Variants in CTNNA3 observed in about 807,000 individuals in gnomAD.
CTNNA3 encodes the protein catenin alpha 3.
In CTNNA3, 76 loss-of-function variants were observed where a neutral mutation model predicts 95.7. The observed-to-expected ratio is 0.79, with a 90% CI of 0.66 to 0.96. CTNNA3 has a LOEUF of 0.96. Among genes scored for constraint, CTNNA3 ranks in the 40% least tolerant of loss-of-function variants. The probability of loss-of-function intolerance (pLI) is 0.00; values close to 1 mark genes in which losing one functional copy is unlikely to be tolerated. For missense variants in CTNNA3, 1,191 were observed against 1,089.8 expected (o/e 1.09, Z -1.31); for synonymous variants, 431 against 374.4 (o/e 1.15, Z -1.74).
At chr10:67,205,825 C>A (rs1194011521) in intron 6 of CTNNA3, among the ~76,000 whole-genome samples, 2 of 152,120 alleles carry the variant, frequency 1.3e-5, no homozygotes, top group Non-Finnish European at 2.9e-5. Context: ...GACACGTTAC[C>A]ATTTACTTTA....
chr10:66,016,429 A>C (rs940085480), intron 15 of CTNNA3, among the ~76,000 whole-genome samples: 2 of 152,230 alleles, frequency 1.3e-5, no homozygotes, highest in Non-Finnish European at 2.9e-5. Context: ...TAGTGAAAGA[A>C]GCAGTTGGCA....
intron 4 of CTNNA3, among the ~76,000 whole-genome samples, chr10:67,535,465 T>TA (rs11383483): frequency 0.14 from 21,940 of 151,624 alleles, 3,589 homozygotes; most frequent in African/African-American, 0.41. Flanking sequence ...TTTACATAAT[T>TA]AAAAAAAAGA....
At chr10:66,124,061 T>G (rs371309401) in intron 13 of CTNNA3, among the ~76,000 whole-genome samples, 6 of 152,296 alleles carry the variant, frequency 3.9e-5, no homozygotes, top group Admixed American at 2.0e-4. Flanking sequence ...GCATTTCTCC[T>G]CAGAAAATGG....
rs531520277 is a variant in CTNNA3 at position 66,937,890 on chromosome 10, G to GT, written c.1048-162367dup. On this transcript the variant is annotated intron_variant, in intron 7 of 17. Coordinates refer to ENST00000433211, the MANE Select transcript of CTNNA3 (RefSeq NM_013266.4). ...TTAATCTTTTCCTTCCCTCTTTTCT[G>GT]TTTTTTTTCCCCCTCTCCCAGAGAC... 1.4e-4 allele frequency among the ~76,000 whole-genome samples: 21 copies of GT among 151,560 alleles called. No homozygotes were observed. In the South Asian group the frequency reaches 1.9e-3, roughly 14 times the overall value.
Position 67,208,463 on chromosome 10 carries a change from A to T in CTNNA3, c.843+11144T>A, listed in dbSNP as rs920005491. Among the ~76,000 whole-genome samples the T allele has an allele frequency of 3.3e-5, 5 of 152,140 alleles. No homozygotes were observed. The East Asian group carries it at 7.7e-4, about 23-fold the overall frequency. On this transcript the variant is annotated intron_variant, in intron 6 of 17. Coordinates refer to ENST00000433211, the MANE Select transcript of CTNNA3 (RefSeq NM_013266.4). Reference sequence around the variant, plus strand: ...GGTATTGCAAAAATAAAAACTAGACAGTTGAAGACTTAAAGAGCGGAATGA... The same window carrying T: ...GGTATTGCAAAAATAAAAACTAGACTGTTGAAGACTTAAAGAGCGGAATGA...
At chr10:67,329,659 G>A (rs186942478) in intron 5 of CTNNA3, among the ~76,000 whole-genome samples, 4 of 152,278 alleles carry the variant, frequency 2.6e-5, no homozygotes, top group Admixed American at 1.3e-4. Flanking sequence ...AATGGGAAGA[G>A]ATAAAAAACT....
intron 12 of CTNNA3, among the ~76,000 whole-genome samples, chr10:66,373,476 T>C (rs879794403): frequency 6.6e-5 from 10 of 152,116 alleles, no homozygotes; most frequent in Non-Finnish European, 1.5e-4. Flanking sequence ...CTTACTCTTC[T>C]TTAGAGAGGC....
chr10:67,583,796 C>T (rs1216007872), intron 3 of CTNNA3, among the ~76,000 whole-genome samples: 5 of 152,160 alleles, frequency 3.3e-5, no homozygotes, highest in Admixed American at 2.0e-4. Context: ...CTTCTCGCTT[C>T]GTTTAATTCA....
intron 5 of CTNNA3, among the ~76,000 whole-genome samples, chr10:67,227,845 C>T (rs1864998306): frequency 6.6e-6 from 1 of 152,106 alleles, no homozygotes; most frequent in Admixed American, 6.5e-5. Flanking sequence ...ATATCAAGCA[C>T]TCTCTCAGAC....
intron 12 of CTNNA3, among the ~76,000 whole-genome samples, chr10:66,319,624 C>G (rs962224497): frequency 4.6e-5 from 7 of 152,044 alleles, no homozygotes; most frequent in Non-Finnish European, 1.0e-4. Context: ...TCACAAAATC[C>G]TTTGCCCTGA....
At chr10:65,943,882 T>C (rs2077469183) in intron 17 of CTNNA3, among the ~76,000 whole-genome samples, 1 of 152,240 alleles carries the variant, frequency 6.6e-6, no homozygotes, top group Admixed American at 6.5e-5. Flanking sequence ...GGAGATGTTG[T>C]ATATAAAACA....
intron 4 of CTNNA3, among the ~76,000 whole-genome samples, chr10:67,536,713 T>C (rs191082139): frequency 3.5e-4 from 54 of 152,298 alleles, no homozygotes; most frequent in African/African-American, 1.3e-3. Flanking sequence ...GGCTTCTTCA[T>C]GGCAATATTT....
At chr10:66,200,326 C>T (rs1177151517) in intron 13 of CTNNA3, among the ~76,000 whole-genome samples, 1 of 151,742 alleles carries the variant, frequency 6.6e-6, no homozygotes, top group African/African-American at 2.4e-5. Flanking sequence ...GGCAGAAAGG[C>T]AAGAATACAA....
chr10:66,165,850 C>A (rs1316634288), intron 13 of CTNNA3, among the ~76,000 whole-genome samples: 2 of 151,980 alleles, frequency 1.3e-5, no homozygotes, highest in Non-Finnish European at 2.9e-5. Context: ...CTCACTGCAA[C>A]CTTTGCCTCC....
At chr10:66,397,400 C>T (rs987095979) in intron 11 of CTNNA3, among the ~76,000 whole-genome samples, 2 of 151,706 alleles carry the variant, frequency 1.3e-5, no homozygotes, top group Admixed American at 6.6e-5. Context: ...AGCTTAACAT[C>T]CTTAGTTCTT....
rs546907220 is a variant in CTNNA3 at position 66,024,743 on chromosome 10, A to G, written c.2160-35946T>C. On this transcript the variant is annotated intron_variant, in intron 15 of 17. Coordinates refer to ENST00000433211, the MANE Select transcript of CTNNA3 (RefSeq NM_013266.4). ...TGGGGAACTAATTAAACAGAGTCAA[A>G]TGATGAAACTAATCTATGACAAGCC... is the stretch of plus-strand genomic sequence containing the variant. Among the ~76,000 whole-genome samples the G allele has an allele frequency of 9.8e-5, 15 of 152,356 alleles. No individual in the cohort carries two copies. The South Asian group carries it at 2.9e-3, about 29-fold the overall frequency.
At position 67,259,312 on chromosome 10, in the gene CTNNA3, C is replaced by T. The variant is rs1385903603; in HGVS notation, c.580-39442G>A. On this transcript the variant is annotated intron_variant, in intron 5 of 17. Coordinates refer to ENST00000433211, the MANE Select transcript of CTNNA3 (RefSeq NM_013266.4). ...TCTCCATATTTTTATAGATTGGAGA[C>T]ATATCTTTACAACATCTTTTTTATC... Among the ~76,000 whole-genome samples, 8 of 152,024 alleles carry T rather than the reference C, an allele frequency of 5.3e-5. 1 individual carries two copies. Among genetic ancestry groups the T allele is most frequent in the East Asian group, 1.9e-4 (1 of 5,174 alleles).
chr10:67,666,045 A>C (rs1243157289), intron 1 of CTNNA3, among the ~76,000 whole-genome samples: 1 of 152,198 alleles, frequency 6.6e-6, no homozygotes, highest in African/African-American at 2.4e-5. Context: ...AAATCAGGCT[A>C]TCCACAGAAA....
At chr10:67,073,103 C>A (rs535234176) in intron 7 of CTNNA3, among the ~76,000 whole-genome samples, 1 of 152,186 alleles carries the variant, frequency 6.6e-6, no homozygotes, top group Non-Finnish European at 1.5e-5. Flanking sequence ...GAAATAAATA[C>A]ATGCATGCCT....
Sources: allele counts gnomAD v4.1 joint callset (sites outside exome capture counted in the v4.1 genomes callset), GRCh38; gene constraint gnomAD v4.1.1; transcripts MANE v1.5; gene names NCBI Gene and HGNC (gene_info 2026-07-23, HGNC 2026-07-21).